AMMECR1: variants seen among roughly 807,000 people sequenced by gnomAD.
The protein encoded by AMMECR1 is AMMECR nuclear protein 1, also known as nuclear protein AMMECR1.
Under a neutral mutation model 22.5 loss-of-function variants are expected in AMMECR1, and 3 were observed. That is an observed-to-expected ratio of 0.13 (90% CI 0.06 to 0.35). The LOEUF is 0.35. Ranked by LOEUF, AMMECR1 falls within the 10% of genes least tolerant of loss-of-function variation. The pLI is 1.00. For missense variants in AMMECR1, 235 were observed against 278.7 expected, an observed-to-expected ratio of 0.84 and a Z score of 1.12; for synonymous variants, 130 against 116.7, an observed-to-expected ratio of 1.11 and a Z score of -0.74.
intron 1 of AMMECR1, among the ~76,000 whole-genome samples, chrX:110,278,717 A>G (rs1276425153): frequency 2.7e-5 from 3 of 112,188 alleles, no homozygotes; most frequent in Non-Finnish European, 5.6e-5. Flanking sequence ...AAAAGCCTCC[A>G]GCTGAACTGC....
chrX:110,261,068 T>A (rs888481477), intron 2 of AMMECR1, among the ~76,000 whole-genome samples: 1 of 111,140 alleles, frequency 9.0e-6, no homozygotes, highest in East Asian at 2.8e-4. Context: ...GTTTAATGGG[T>A]AGAGTTTCAG....
At chrX:110,264,901 A>G (rs774611019) in intron 1 of AMMECR1, among the ~76,000 whole-genome samples, 2 of 111,939 alleles carry the variant, frequency 1.8e-5, no homozygotes, top group South Asian at 3.7e-4. Flanking sequence ...TTTACAGATG[A>G]GGGAGTCTCA....
intron 2 of AMMECR1, among the ~76,000 whole-genome samples, chrX:110,263,785 T>G (rs963217688): frequency 3.6e-5 from 4 of 111,930 alleles, no homozygotes; most frequent in Non-Finnish European, 7.5e-5. Flanking sequence ...CCTTTACTAA[T>G]AGCTTATTAT....
At chrX:110,402,649 A>G (rs933680184) in intron 2 of AMMECR1, among the ~76,000 whole-genome samples, 2 of 112,680 alleles carry the variant, frequency 1.8e-5, no homozygotes, top group Non-Finnish European at 3.8e-5. Flanking sequence ...GAGTGGCTGG[A>G]GGCTGATCTC....
intron 2 of AMMECR1, among the ~76,000 whole-genome samples, chrX:110,426,404 C>G (rs763700093): frequency 5.4e-5 from 6 of 111,545 alleles, no homozygotes; most frequent in African/African-American, 2.0e-4. Context: ...GTCTGCTTGC[C>G]CACGGAGGAG....
chrX:110,376,257 A>T (rs2068375833), intron 2 of AMMECR1, among the ~76,000 whole-genome samples: 1 of 111,315 alleles, frequency 9.0e-6, no homozygotes, highest in African/African-American at 3.3e-5. Flanking sequence ...TCTCATCACT[A>T]GAAGCAGGAT....
chrX:110,235,356 A>T lies in AMMECR1; in HGVS notation c.585-18724T>A, dbSNP rs781370668. ...GCAGATGCTGGAGACGATGTGGAGA[A>T]ATAGGAATGCTTTTACACTGTTGGT... is the stretch of plus-strand genomic sequence containing the variant. On this transcript the variant is annotated intron_variant, in intron 2 of 5. Coordinates refer to ENST00000262844, the MANE Select transcript of AMMECR1 (RefSeq NM_015365.3). Among the ~76,000 whole-genome samples, 76 of 112,557 alleles carry T rather than the reference A, an allele frequency of 6.8e-4. 2 individuals carry two copies. The highest frequency in any genetic ancestry group is 9.1e-3 in the Middle Eastern group (2 of 219).
chrX:110,247,609 C>T (rs2067664956), intron 2 of AMMECR1, among the ~76,000 whole-genome samples: 1 of 109,859 alleles, frequency 9.1e-6, no homozygotes, highest in African/African-American at 3.3e-5. Flanking sequence ...GAGAATCACT[C>T]GAGCCCTGGA....
chrX:110,394,290 G>A (rs746635050), intron 2 of AMMECR1, among the ~76,000 whole-genome samples: 5 of 111,329 alleles, frequency 4.5e-5, no homozygotes, highest in South Asian at 3.8e-4. Context: ...CACTCCTCTC[G>A]CCCAGGCTGG....
intron 2 of AMMECR1, among the ~76,000 whole-genome samples, chrX:110,233,876 A>C (rs918872542): frequency 8.9e-6 from 1 of 112,335 alleles, no homozygotes; most frequent in African/African-American, 3.2e-5. Flanking sequence ...CAATATCATA[A>C]TGAATGGGCA....
chrX:110,255,533 C>T (rs896142291), intron 2 of AMMECR1, among the ~76,000 whole-genome samples: 8 of 111,875 alleles, frequency 7.2e-5, no homozygotes, highest in Admixed American at 4.8e-4. Flanking sequence ...TTCCTGCCAT[C>T]CTCAGTGAAG....
At position 110,286,396 on chromosome X, in the gene AMMECR1, G is replaced by A. The variant is rs184159366; in HGVS notation, c.474-21797C>T. ...TAAAAAATTAGAGCATGGGCCGGGC[G>A]TAATGGCTCACTCCTGTAATCCTAA... On this transcript the variant is annotated intron_variant, in intron 1 of 5. Transcript: ENST00000262844. Among the ~76,000 whole-genome samples, 369 of 110,889 alleles carry A rather than the reference G, an allele frequency of 3.3e-3. 1 individual carries two copies. Among genetic ancestry groups the A allele is most frequent in the Admixed American group, 6.5e-3 (68 of 10,434 alleles).
intron 2 of AMMECR1, among the ~76,000 whole-genome samples, chrX:110,234,206 C>A (rs1197868031): frequency 6.3e-5 from 7 of 111,696 alleles, no homozygotes; most frequent in African/African-American, 2.3e-4. Flanking sequence ...AGAGCCAAAT[C>A]ATGAGTGAAC....
intron 2 of AMMECR1, among the ~76,000 whole-genome samples, chrX:110,216,863 A>C (rs2067475776): frequency 9.0e-6 from 1 of 111,394 alleles, no homozygotes; most frequent in Admixed American, 9.6e-5. Flanking sequence ...TCAATTGTAA[A>C]GAGAGAATCA....
At chrX:110,413,511 T>G (rs2068655960) in intron 2 of AMMECR1, among the ~76,000 whole-genome samples, 1 of 107,103 alleles carries the variant, frequency 9.3e-6, no homozygotes, top group Admixed American at 1.0e-4. Context: ...CCCCTCCTGG[T>G]CAACCCCCCC....
intron 2 of AMMECR1, among the ~76,000 whole-genome samples, chrX:110,378,008 CAAAAAA>C (rs755483656): frequency 3.2e-5 from 1 of 30,961 alleles, no homozygotes; most frequent in Non-Finnish European, 5.8e-5. Context: ...GACTCCGTCT[CAAAAAA>C]AAAAAAAAAA....
At chrX:110,377,372 C>T (rs1396577937) in intron 2 of AMMECR1, among the ~76,000 whole-genome samples, 2 of 111,947 alleles carry the variant, frequency 1.8e-5, no homozygotes, top group East Asian at 5.6e-4. Context: ...CCGATACCTA[C>T]AGTCTTCCAG....
intron 2 of AMMECR1, among the ~76,000 whole-genome samples, chrX:110,231,671 A>AC (rs1351313107): frequency 3.6e-5 from 4 of 111,749 alleles, no homozygotes; most frequent in African/African-American, 1.3e-4. Context: ...AACAATATTA[A>AC]CCTTAAATGT....
At chrX:110,383,373 G>A (rs1015119371) in intron 2 of AMMECR1, among the ~76,000 whole-genome samples, 1 of 111,309 alleles carries the variant, frequency 9.0e-6, no homozygotes, top group Non-Finnish European at 1.9e-5. Context: ...GAGAGGAAAG[G>A]GGCCTTTTTC....
Sources: gnomAD v4.1 joint callset for allele counts (sites outside exome capture counted in the v4.1 genomes callset) on GRCh38, gnomAD v4.1.1 for gene constraint, MANE v1.5 for transcripts, NCBI Gene and HGNC (gene_info 2026-07-23, HGNC 2026-07-21) for gene names.